ATF6: variants seen among roughly 807,000 people sequenced by gnomAD.
The protein encoded by ATF6 is activating transcription factor 6.
In ATF6, 53 loss-of-function variants were observed where a neutral mutation model predicts 83.6. The ratio of observed to expected loss-of-function variants is 0.63; its 90% CI spans 0.51 to 0.80. ATF6 has a LOEUF of 0.80. Ranked by LOEUF, ATF6 falls within the 30% of genes least tolerant of loss-of-function variation. ATF6 has a pLI of 0.00. For synonymous variants in ATF6, 288 were observed against 285.8 expected (o/e 1.01, Z -0.08); for missense variants, 744 against 797.9 (o/e 0.93, Z 0.81).
intron 9 of ATF6, among the ~76,000 whole-genome samples, chr1:161,831,953 AAAAAG>A (rs952961465): frequency 5.1e-4 from 77 of 151,310 alleles, no homozygotes; most frequent in South Asian, 2.1e-3. Context: ...ATAAAAAAAA[AAAAAG>A]AAAGAAAAAT....
At chr1:161,778,161 A>C in intron 1 of ATF6, 83 bp from the exon 2 acceptor site, 1 of 1,059,378 alleles carries the variant, frequency 9.4e-7, no homozygotes, top group Non-Finnish European at 1.4e-6. Flanking sequence ...ACCTTAATAG[A>C]GGTGACATAG....
intron 15 of ATF6, among the ~76,000 whole-genome samples, chr1:161,935,019 A>G (rs1688510191): frequency 6.6e-6 from 1 of 152,246 alleles, no homozygotes; most frequent in Admixed American, 6.5e-5. Flanking sequence ...TTGTAAAGAA[A>G]GACAGATGCA....
At chr1:161,912,514 C>A (rs576173160) in intron 15 of ATF6, 134 bp downstream of exon 15, 6 of 479,074 alleles carry the variant, frequency 1.3e-5, no homozygotes, top group African/African-American at 8.1e-5. Context: ...AAACATTTTT[C>A]CACTGTTTTA....
At chr1:161,794,424 TG>T (rs1557963751) in intron 6 of ATF6, among the ~76,000 whole-genome samples, 1 of 152,200 alleles carries the variant, frequency 6.6e-6, no homozygotes, top group East Asian at 1.9e-4. Context: ...TAGCTTGGAA[TG>T]TAAAACTCTT....
chr1:161,849,159 C>T (rs951367616), intron 10 of ATF6, among the ~76,000 whole-genome samples: 1 of 152,180 alleles, frequency 6.6e-6, no homozygotes, highest in African/African-American at 2.4e-5. Context: ...GCAGCCTCCT[C>T]TTAGAGGCAT....
intron 14 of ATF6, among the ~76,000 whole-genome samples, chr1:161,867,420 TAAG>T (rs946797802): frequency 6.6e-6 from 1 of 152,102 alleles, no homozygotes; most frequent in African/African-American, 2.4e-5. Context: ...CAAATAAAGT[TAAG>T]AAGAAGATGA....
intron 1 of ATF6, among the ~76,000 whole-genome samples, chr1:161,773,166 C>G (rs1684431688): frequency 1.6e-5 from 2 of 124,460 alleles, no homozygotes; most frequent in South Asian, 4.8e-4. Flanking sequence ...GACGGAGTCT[C>G]TCTCTGTTAC....
At chr1:161,778,121 T>C in intron 1 of ATF6, 123 bp from the exon 2 acceptor site, 1 of 649,350 alleles carries the variant, frequency 1.5e-6, no homozygotes, top group Non-Finnish European at 2.6e-6. Context: ...ATTACTGGAG[T>C]TTATCAATAA....
rs1684900505 is a variant in ATF6, at chr1:161,792,273, A to C, written c.634A>C (p.Met212Leu). Reference protein sequence around the residue: ...TIIIQTVPTLMPLAKQQPIIS... With the variant: ...TIIIQTVPTLLPLAKQQPIIS... ...CATTATTCAGACAGTACCAACGCTT[A>C]TGCCATTGGCAAAGCAGCAACCAAT... The change falls in exon 6 of 16, where the codon ATG (methionine) becomes CTG (leucine). Residue 212 changes from methionine to leucine, a missense_variant. Physicochemically the swap from Met to Leu is conservative, Grantham distance 15. Coordinates refer to ENST00000367942, the MANE Select transcript of ATF6 (RefSeq NM_007348.4). The C allele has an allele frequency of 6.2e-7, 1 of 1,614,164 alleles. No individual in the cohort carries two copies.
At chr1:161,913,758 A>G (rs78717237) in intron 15 of ATF6, among the ~76,000 whole-genome samples, 1 of 152,306 alleles carries the variant, frequency 6.6e-6, no homozygotes, top group African/African-American at 2.4e-5. Flanking sequence ...CTTATACTCA[A>G]TCTATAGGTA....
intron 15 of ATF6, among the ~76,000 whole-genome samples, chr1:161,956,435 A>G (rs993866893): frequency 2.0e-5 from 3 of 152,246 alleles, no homozygotes; most frequent in Non-Finnish European, 2.9e-5. Context: ...AGGCACATTA[A>G]CAAGATTTCT....
At position 161,960,915 on chromosome 1, in the gene ATF6, C is replaced by G. The variant is rs1024377676; in HGVS notation, c.*2261C>G. ...TAGTAGACAGTGGCAACATAGTCAT[C>G]CCCAAGATGCTAATCTTCTGCTGGA... is the stretch of plus-strand genomic sequence containing the variant. On this transcript the variant is annotated 3_prime_UTR_variant, in exon 16 of 16. Coordinates refer to ENST00000367942, the MANE Select transcript of ATF6 (RefSeq NM_007348.4). The G allele has an allele frequency of 1.4e-4, 21 of 152,164 alleles. No homozygotes were observed. Among genetic ancestry groups the G allele is most frequent in the African/African-American group, 5.1e-4 (21 of 41,422 alleles). The allele number at this position is 152,164 out of a possible 1,614,324, so 9.4% of individuals were successfully genotyped here. A position where few individuals can be genotyped will look rare whatever the true frequency, so the allele number is the denominator to read the frequency against.
At position 161,815,641 on chromosome 1, in the gene ATF6, A is replaced by C. The variant is rs572434729; in HGVS notation, c.910-3992A>C. On this transcript the variant is annotated intron_variant, in intron 7 of 15. Transcript: ENST00000367942. The stretch of plus-strand genomic sequence containing the variant: ...AATCAATAAGGTTTTTAGTTTTAAA[A>C]ACCTTATTGATTGATAATTAAATTG... 7.5e-4 allele frequency among the ~76,000 whole-genome samples: 114 copies of C among 152,056 alleles called. 1 individual carries two copies. In the Middle Eastern group the frequency reaches 0.01, roughly 14 times the overall value.
intron 9 of ATF6, among the ~76,000 whole-genome samples, chr1:161,841,126 T>C (rs1686347656): frequency 2.0e-5 from 3 of 152,176 alleles, no homozygotes; most frequent in Admixed American, 2.0e-4. Context: ...AATCTAAAAG[T>C]TCATATAAAT....
intron 4 of ATF6, among the ~76,000 whole-genome samples, chr1:161,788,065 C>T (rs945852533): frequency 4.6e-5 from 7 of 152,114 alleles, no homozygotes; most frequent in Admixed American, 2.0e-4. Context: ...TGTGAGAAAT[C>T]CTTTAGAATA....
At chr1:161,830,336 T>A (rs1686021315) in intron 9 of ATF6, among the ~76,000 whole-genome samples, 1 of 152,118 alleles carries the variant, frequency 6.6e-6, no homozygotes, top group Admixed American at 6.5e-5. Flanking sequence ...TGCTCATGGA[T>A]AGGAAGAATC....
At chr1:161,796,493 AT>A (rs1685025022) in intron 6 of ATF6, among the ~76,000 whole-genome samples, 2 of 152,166 alleles carry the variant, frequency 1.3e-5, no homozygotes, top group African/African-American at 4.8e-5. Flanking sequence ...GCTTTATGGC[AT>A]TTTGCAAAGC....
chr1:161,789,831 C>T (rs1208799610), intron 4 of ATF6, among the ~76,000 whole-genome samples: 1 of 152,100 alleles, frequency 6.6e-6, no homozygotes, highest in Non-Finnish European at 1.5e-5. Flanking sequence ...AGTCTCCTCC[C>T]GTGTTACCTT....
intron 14 of ATF6, among the ~76,000 whole-genome samples, chr1:161,869,989 T>C (rs1687086956): frequency 1.3e-5 from 2 of 150,868 alleles, no homozygotes; most frequent in Admixed American, 6.6e-5. Flanking sequence ...GCATTAGAAC[T>C]AGGGCAATAA....
Sources: allele counts gnomAD v4.1 joint callset (sites outside exome capture counted in the v4.1 genomes callset), GRCh38; gene constraint gnomAD v4.1.1; transcripts MANE v1.5; gene names NCBI Gene and HGNC (gene_info 2026-07-23, HGNC 2026-07-21).